Variants in ACAP2 observed in about 807,000 individuals in gnomAD.
ACAP2 encodes ArfGAP with coiled-coil, ankyrin repeat and PH domains 2, also known as arf-GAP with coiled-coil, ANK repeat and PH domain-containing protein 2.
In ACAP2, 39 loss-of-function variants were observed where a neutral mutation model predicts 115.8. The observed-to-expected ratio is 0.34, with a 90% confidence interval of 0.26 to 0.44. The LOEUF is 0.44. ACAP2 is among the 20% of genes least tolerant of loss of function. The pLI is 1.00. For missense variants in ACAP2, 662 were observed against 927.6 expected (o/e 0.71, Z 3.72); for synonymous variants, 289 against 315.8 (o/e 0.92, Z 0.90).
chr3:195,299,362 G>A (rs1348840017), intron 15 of ACAP2, among the ~76,000 whole-genome samples: 1 of 150,738 alleles, frequency 6.6e-6, no homozygotes, highest in Non-Finnish European at 1.5e-5. Flanking sequence ...TTGAGGCCAG[G>A]AGTTCAAGAA....
chr3:195,305,449 A>G (rs1560222596), intron 13 of ACAP2, among the ~76,000 whole-genome samples: 1 of 152,214 alleles, frequency 6.6e-6, no homozygotes, highest in Non-Finnish European at 1.5e-5. Flanking sequence ...TGAGGACAGA[A>G]CCAAGACCTT....
intron 22 of ACAP2, among the ~76,000 whole-genome samples, chr3:195,281,184 T>A (rs1044461747): frequency 5.3e-5 from 8 of 152,112 alleles, no homozygotes; most frequent in African/African-American, 1.9e-4. Context: ...GACGGGCGGA[T>A]CACGAGGTCA....
chr3:195,403,005 G>A (rs1370393838), intron 1 of ACAP2, among the ~76,000 whole-genome samples: 2 of 152,156 alleles, frequency 1.3e-5, no homozygotes, highest in Non-Finnish European at 2.9e-5. Context: ...TGGATGGTAT[G>A]CGATAAGGTG....
chr3:195,377,235 C>T (rs931740956), intron 4 of ACAP2, among the ~76,000 whole-genome samples: 3 of 145,036 alleles, frequency 2.1e-5, no homozygotes, highest in African/African-American at 7.7e-5. Context: ...GCCCCAACTT[C>T]CCAGGCTCAA....
chr3:195,318,765 T>A lies in ACAP2; in HGVS notation c.857+1936A>T, dbSNP rs534899043. On this transcript the variant is annotated intron_variant, in intron 10 of 22. Coordinates refer to ENST00000326793, the MANE Select transcript of ACAP2 (RefSeq NM_012287.6). ...AAGCAGAGCATAACAGTTTGGAAAA[T>A]TTGCAGCCTGACCATGAGGTATAAA... Among the ~76,000 whole-genome samples the A allele has an allele frequency of 6.6e-5, 10 of 152,128 alleles. No homozygotes were observed. The South Asian group carries it at 2.1e-3, about 32-fold the overall frequency.
intron 1 of ACAP2, among the ~76,000 whole-genome samples, chr3:195,431,947 T>C (rs1715161745): frequency 1.3e-5 from 2 of 152,214 alleles, no homozygotes; most frequent in Non-Finnish European, 2.9e-5. Flanking sequence ...TTTATATGCA[T>C]TGCTAGTTAA....
chr3:195,383,266 C>T (rs1011708909), intron 2 of ACAP2, among the ~76,000 whole-genome samples: 2 of 151,806 alleles, frequency 1.3e-5, no homozygotes, highest in Admixed American at 1.3e-4. Context: ...AACATTAGTA[C>T]TATATGATAT....
chr3:195,294,747 C>T lies in ACAP2; in HGVS notation c.1737G>A (p.Thr579=), dbSNP rs749042123. The T allele has an allele frequency of 4.7e-5, 76 of 1,608,394 alleles. No homozygotes were observed. Among genetic ancestry groups the T allele is most frequent in the Non-Finnish European group, 5.4e-5 (64 of 1,176,598 alleles). The stretch of plus-strand genomic sequence containing the variant: ...GCTCATATAAACTATTGGCTGACAC[C>T]GTGGAGGGTAAAGATTCTCTTCCAT... ...SDDGRESLPS[T]VSANSLYEPE... The change falls in exon 18 of 23, where the codon ACG becomes ACA. Residue 579 remains threonine, a synonymous_variant. Transcript: ENST00000326793.
In ACAP2 at chr3:195,320,693, T is replaced by G; in HGVS notation, c.857+8A>C. On this transcript the variant is annotated splice_region_variant and intron_variant, in intron 10 of 22. Transcript: ENST00000326793. ...TATAGATCAAGACTAGTATTTGAAA[T>G]ATATTACCTGTTCCAAGTTTTGAAG... 6.3e-7 allele frequency: 1 copy of G among 1,595,952 alleles called. No homozygotes were observed. Among genetic ancestry groups the G allele is most frequent in the Non-Finnish European group, 8.6e-7 (1 of 1,163,976 alleles).
intron 2 of ACAP2, among the ~76,000 whole-genome samples, chr3:195,389,856 G>A (rs542926414): frequency 5.9e-5 from 9 of 152,276 alleles, no homozygotes; most frequent in East Asian, 3.9e-4. Context: ...CCCCCAACGC[G>A]GATCCTGAAG....
At chr3:195,387,081 G>A (rs1316386689) in intron 2 of ACAP2, among the ~76,000 whole-genome samples, 1 of 152,144 alleles carries the variant, frequency 6.6e-6, no homozygotes, top group Non-Finnish European at 1.5e-5. Context: ...ATACGCTGCA[G>A]CTATCCAGGA....
At chr3:195,341,528 G>A (rs1296373572) in intron 6 of ACAP2, among the ~76,000 whole-genome samples, 1 of 151,964 alleles carries the variant, frequency 6.6e-6, no homozygotes, top group East Asian at 1.9e-4. Context: ...GTTTCGCCGT[G>A]TTAGCCAGGA....
At chr3:195,424,277 ATATATATTTTTTTTTTTTTT>A (rs1714462918) in intron 1 of ACAP2, among the ~76,000 whole-genome samples, 1 of 51,734 alleles carries the variant, frequency 1.9e-5, no homozygotes, top group Non-Finnish European at 3.6e-5. Flanking sequence ...ATATATATAT[ATATATATTTTTTTTTTTTTT>A]TTTTTTTTTT....
chr3:195,423,991 G>A (rs1714403576), intron 1 of ACAP2, among the ~76,000 whole-genome samples: 1 of 151,774 alleles, frequency 6.6e-6, no homozygotes, highest in South Asian at 2.1e-4. Context: ...TTCTCAGGGT[G>A]GGTCCCTGTA....
At chr3:195,306,805 A>G (rs887595706) in intron 12 of ACAP2, 189 bp from the exon 13 acceptor site, 8 of 441,042 alleles carry the variant, frequency 1.8e-5, no homozygotes, top group East Asian at 3.9e-5. Context: ...TAAGGTGCCA[A>G]TGAAACAAAT....
intron 1 of ACAP2, among the ~76,000 whole-genome samples, chr3:195,432,755 G>C (rs1715233982): frequency 6.6e-6 from 1 of 152,144 alleles, no homozygotes; most frequent in South Asian, 2.1e-4. Context: ...ATTGCGTTTA[G>C]TTTGTAGATC....
At chr3:195,393,884 T>TGG (rs34637964) in intron 1 of ACAP2, among the ~76,000 whole-genome samples, 142 of 121,552 alleles carry the variant, frequency 1.2e-3, no homozygotes, top group Admixed American at 1.7e-3. Flanking sequence ...AGTATTATAT[T>TGG]GGGGGGGGGG....
intron 15 of ACAP2, among the ~76,000 whole-genome samples, chr3:195,298,289 T>TC (rs1727791544): frequency 7.7e-6 from 1 of 129,888 alleles, no homozygotes. Flanking sequence ...AGAGTCTCAC[T>TC]CCATCACCTA....
At chr3:195,441,584 C>A (rs1715995485) in intron 1 of ACAP2, among the ~76,000 whole-genome samples, 1 of 152,128 alleles carries the variant, frequency 6.6e-6, no homozygotes. Flanking sequence ...ATCCAATTAA[C>A]AGTGTTAAGG....
Sources: gnomAD v4.1 joint callset for allele counts (sites outside exome capture counted in the v4.1 genomes callset) on GRCh38, gnomAD v4.1.1 for gene constraint, MANE v1.5 for transcripts, NCBI Gene and HGNC (gene_info 2026-07-23, HGNC 2026-07-21) for gene names.